DENND2B: variants seen among roughly 807,000 people sequenced by gnomAD.
DENND2B encodes DENN domain containing 2B.
DENND2B carries 32 observed loss-of-function variants against 116.0 expected under a neutral mutation model. The observed-to-expected ratio is 0.28, with a 90% CI of 0.21 to 0.37. DENND2B has a LOEUF of 0.37. Among genes scored for constraint, DENND2B ranks in the 10% least tolerant of loss-of-function variants. The pLI, the probability that DENND2B is intolerant of heterozygous loss-of-function variation, is 1.00. For synonymous variants in DENND2B, 588 were observed against 583.9 expected, an observed-to-expected ratio of 1.01 and a Z score of -0.10; for missense variants, 1,276 against 1,477.7, an observed-to-expected ratio of 0.86 and a Z score of 2.24.
chr11:8,728,337 A>G (rs1025292038), intron 3 of DENND2B, among the ~76,000 whole-genome samples: 4 of 152,154 alleles, frequency 2.6e-5, no homozygotes, highest in South Asian at 4.1e-4. Flanking sequence ...TATATTAAAT[A>G]TAAGAATCAC....
chr11:8,893,491 A>G (rs1474052591), intron 1 of DENND2B, among the ~76,000 whole-genome samples: 1 of 152,240 alleles, frequency 6.6e-6, no homozygotes. Flanking sequence ...TTGTATGTTT[A>G]GAAAACCCCA....
At chr11:8,717,647 A>C in intron 5 of DENND2B, 94 bp downstream of exon 5, 1 of 1,438,488 alleles carries the variant, frequency 7.0e-7, no homozygotes, top group Non-Finnish European at 9.3e-7. Context: ...TGAGGGTAAA[A>C]GCCTGAGTGG....
At chr11:8,885,406 T>C (rs189621438) in intron 1 of DENND2B, among the ~76,000 whole-genome samples, 1 of 152,380 alleles carries the variant, frequency 6.6e-6, no homozygotes, top group East Asian at 1.9e-4. Flanking sequence ...GACAACAATA[T>C]GCAGAAAGGA....
intron 2 of DENND2B, among the ~76,000 whole-genome samples, chr11:8,742,182 G>T (rs1179728499): frequency 6.6e-6 from 1 of 152,204 alleles, no homozygotes; most frequent in Non-Finnish European, 1.5e-5. Flanking sequence ...TTACAAGCGT[G>T]AGCCACTGCG....
chr11:8,834,438 G>A (rs2062338936), intron 4 of DENND2B, among the ~76,000 whole-genome samples: 1 of 152,198 alleles, frequency 6.6e-6, no homozygotes, highest in East Asian at 1.9e-4. Context: ...CCACTAAACA[G>A]TAAGTTTAAA....
chr11:8,884,336 G>A (rs944566061), intron 1 of DENND2B, among the ~76,000 whole-genome samples: 1 of 150,566 alleles, frequency 6.6e-6, no homozygotes, highest in Admixed American at 6.6e-5. Context: ...TGTTGTTGTT[G>A]TTTTTTGTTT....
intron 4 of DENND2B, among the ~76,000 whole-genome samples, chr11:8,823,699 C>G (rs1214094904): frequency 6.6e-6 from 1 of 152,152 alleles, no homozygotes; most frequent in Non-Finnish European, 1.5e-5. Flanking sequence ...TTTCCTGAGG[C>G]CTCCCAGACA....
intron 1 of DENND2B, among the ~76,000 whole-genome samples, chr11:8,886,192 C>G (rs1026477052): frequency 6.6e-6 from 1 of 152,142 alleles, no homozygotes; most frequent in African/African-American, 2.4e-5. Flanking sequence ...ACCTCAGCCT[C>G]CCAAAGTGCT....
rs201689848 is a variant in DENND2B at position 8,730,845 on chromosome 11, C to G, written c.445G>C (p.Gly149Arg). 12 of 1,613,314 alleles carry G rather than the reference C, an allele frequency of 7.4e-6. No homozygotes were observed. The highest frequency in any genetic ancestry group is 1.7e-4 in the Middle Eastern group (1 of 6,060). ...GTACCGGTACGGGTCAGCAAGACGC[C>G]CCGGGGGCCAGCTGCTGGCCCCGGG... ...PFPGPAAGPRGVLLTRTGTRA... is the reference protein window; with the variant it reads ...PFPGPAAGPRRVLLTRTGTRA... Residue 149 changes from glycine (G) to arginine (R), a missense_variant, in exon 3 of 20, where the codon GGC (glycine) becomes CGC (arginine). Physicochemically the swap from Gly to Arg is moderately radical, Grantham distance 125. Transcript: ENST00000313726. This position sits in a 1 kb window ranked among gnomAD's most constrained non-coding sequence, Gnocchi z 4.1.
At chr11:8,840,085 T>TC (rs1566038750) in intron 3 of DENND2B, among the ~76,000 whole-genome samples, 1 of 151,644 alleles carries the variant, frequency 6.6e-6, no homozygotes, top group East Asian at 1.9e-4. Flanking sequence ...AGCAGGGAAA[T>TC]CCCCCGCCCA....
rs771864283 is a variant in DENND2B at position 8,730,586 on chromosome 11, C to T, written c.704G>A (p.Cys235Tyr). 4 of 1,613,102 alleles carry T rather than the reference C, an allele frequency of 2.5e-6. No homozygotes were observed. In the Admixed American group the frequency reaches 5.0e-5, roughly 20 times the overall value. Residue 235 changes from cysteine (C) to tyrosine (Y), a missense_variant, in exon 3 of 20, where the codon TGT (cysteine) becomes TAT (tyrosine). Transcript: ENST00000313726. The surrounding 1 kb of genome is among the most constrained non-coding windows in gnomAD (Gnocchi z 4.1). ...CTCCTCCTCAGTCTCTGGGTAGGAA[C>T]ACTCGGAGAAGGTCCTGCTCATCCT... ...LRRMSRTFSE[C>Y]SYPETEEEGE...
intron 4 of DENND2B, among the ~76,000 whole-genome samples, chr11:8,724,164 C>T (rs4390341): frequency 0.22 from 32,707 of 151,956 alleles, 3,812 homozygotes; most frequent in Middle Eastern, 0.37. Flanking sequence ...GGTGTGGTGG[C>T]GGGCACCTGT....
At chr11:8,785,038 C>T (rs1189104702) in intron 1 of DENND2B, 1 of 152,086 alleles carries the variant, frequency 6.6e-6, no homozygotes, top group Non-Finnish European at 1.5e-5. Context: ...ATGTAGTACC[C>T]CCTCTAACAC....
At chr11:8,781,339 G>C (rs1306931601) in intron 1 of DENND2B, among the ~76,000 whole-genome samples, 4 of 152,168 alleles carry the variant, frequency 2.6e-5, no homozygotes. Context: ...GGGGAGTTCA[G>C]AGCGAGAGTT....
chr11:8,908,475 C>A (rs1829915323), intron 1 of DENND2B, among the ~76,000 whole-genome samples: 1 of 152,154 alleles, frequency 6.6e-6, no homozygotes, highest in African/African-American at 2.4e-5. Context: ...ACTATAAATG[C>A]ACTTTATAGA....
At chr11:8,865,935 A>G (rs975410132) in intron 2 of DENND2B, among the ~76,000 whole-genome samples, 15 of 151,378 alleles carry the variant, frequency 9.9e-5, no homozygotes, top group Non-Finnish European at 2.1e-4. Flanking sequence ...TAAAGAGGAT[A>G]TTGCAGCCCT....
intron 9 of DENND2B, among the ~76,000 whole-genome samples, 159 bp from the exon 10 acceptor site, chr11:8,711,390 A>G (rs950760862): frequency 3.3e-5 from 5 of 152,156 alleles, no homozygotes; most frequent in African/African-American, 7.2e-5. Flanking sequence ...GCCCAGAGTC[A>G]TCATTCATTC....
chr11:8,799,110 T>C (rs557536185), intron 1 of DENND2B, among the ~76,000 whole-genome samples: 192 of 152,286 alleles, frequency 1.3e-3, no homozygotes, highest in African/African-American at 4.5e-3. Context: ...GCCTGAGCCA[T>C]TGCACCCTGC....
In DENND2B at chr11:8,754,462, C is replaced by T. The variant is rs187501387; in HGVS notation, c.-25-3737G>A. Among the ~76,000 whole-genome samples the T allele has an allele frequency of 2.4e-3, 360 of 151,236 alleles. 4 individuals carry two copies. The highest frequency in any genetic ancestry group is 8.4e-3 in the African/African-American group (341 of 40,596). On this transcript the variant is annotated intron_variant, in intron 1 of 19. Transcript: ENST00000313726. ...TGTAGAGAAATTGGAACTTTCATTC[C>T]CTGCTGGTAGAAATGTAAAATGGCA...
Sources: gnomAD v4.1 joint callset for allele counts (sites outside exome capture counted in the v4.1 genomes callset) on GRCh38, gnomAD v4.1.1 for gene constraint, Gnocchi (gnomAD v3.1) non-coding constraint, MANE v1.5 for transcripts, NCBI Gene and HGNC (gene_info 2026-07-23, HGNC 2026-07-21) for gene names.